The following CDH18 variants were observed in gnomAD, a reference collection of about 807,000 sequenced individuals.
The protein encoded by CDH18 is cadherin-18.
In CDH18, 31 loss-of-function variants were observed where a neutral mutation model predicts 67.9. That is an observed-to-expected ratio of 0.46 (90% confidence interval 0.34 to 0.62). CDH18 has a LOEUF of 0.62. Ranked by LOEUF, CDH18 falls within the 20% of genes least tolerant of loss-of-function variation. The pLI is 0.01. For missense variants in CDH18, 890 were observed against 975.5 expected, an observed-to-expected ratio of 0.91 and a Z score of 1.17; for synonymous variants, 362 against 347.2, an observed-to-expected ratio of 1.04 and a Z score of -0.48.
intron 1 of CDH18, among the ~76,000 whole-genome samples, chr5:20,543,317 C>G (rs934271139): frequency 3.3e-5 from 5 of 151,744 alleles, no homozygotes; most frequent in African/African-American, 1.2e-4. Flanking sequence ...TCTATTTTTT[C>G]TCATAATTAT....
intron 2 of CDH18, among the ~76,000 whole-genome samples, chr5:19,952,129 A>C (rs1013283215): frequency 6.6e-6 from 1 of 151,868 alleles, no homozygotes; most frequent in African/African-American, 2.4e-5. Flanking sequence ...GCTAACTGCA[A>C]CCTCCTCCTC....
chr5:20,265,979 G>T (rs1465886891), intron 1 of CDH18, among the ~76,000 whole-genome samples: 1 of 152,102 alleles, frequency 6.6e-6, no homozygotes, highest in African/African-American at 2.4e-5. Flanking sequence ...AGGGAAGCAG[G>T]GCAAATGCAC....
In CDH18 at chr5:20,538,901, TTTTTTTTG is replaced by T. The variant is rs1312139218; in HGVS notation, c.-580+36553_-580+36560del. Among the ~76,000 whole-genome samples the T allele has an allele frequency of 1.5e-4, 20 of 130,702 alleles. 1 individual carries two copies. The highest frequency in any genetic ancestry group is 8.3e-4 in the South Asian group (3 of 3,628). 85.7% of individuals were successfully genotyped at this position (130,702 alleles called of 152,430 possible). ...ATATACATCCACATAGCCAACTGTT[TTTTTTTTG>T]TTTTTTTTTTTTTTTGTCGCCCAGG... On this transcript the variant is annotated intron_variant, in intron 1 of 14. Transcript: ENST00000507958.
At chr5:20,512,772 T>C (rs887768174) in intron 1 of CDH18, among the ~76,000 whole-genome samples, 2 of 151,558 alleles carry the variant, frequency 1.3e-5, no homozygotes, top group African/African-American at 4.8e-5. Context: ...TAATCCCACC[T>C]ACCTGGGAGG....
chr5:19,993,645 GATAA>G (rs543988955), intron 2 of CDH18, among the ~76,000 whole-genome samples: 36 of 151,812 alleles, frequency 2.4e-4, no homozygotes, highest in African/African-American at 8.5e-4. Context: ...TATATATAGA[GATAA>G]ATAGATATTA....
At chr5:19,598,537 AGGTT>A (rs1746534816) in intron 6 of CDH18, among the ~76,000 whole-genome samples, 2 of 152,272 alleles carry the variant, frequency 1.3e-5, no homozygotes, top group South Asian at 4.1e-4. Context: ...CCAAATATGA[AGGTT>A]AAACTTCATG....
chr5:19,994,291 G>A (rs561739835), intron 2 of CDH18, among the ~76,000 whole-genome samples: 2 of 150,212 alleles, frequency 1.3e-5, no homozygotes, highest in South Asian at 4.2e-4. Context: ...ACACATATAT[G>A]TATACATATA....
At chr5:20,078,199 C>G (rs543421635) in intron 2 of CDH18, among the ~76,000 whole-genome samples, 4 of 152,052 alleles carry the variant, frequency 2.6e-5, no homozygotes, top group Admixed American at 6.6e-5. Context: ...TGGTGGCTTA[C>G]GCCTGTAATC....
intron 3 of CDH18, among the ~76,000 whole-genome samples, chr5:19,765,580 T>G (rs190693664): frequency 6.6e-6 from 1 of 152,144 alleles, no homozygotes; most frequent in Admixed American, 6.5e-5. Flanking sequence ...AGGGAGAAAT[T>G]TAAAAACACA....
intron 1 of CDH18, among the ~76,000 whole-genome samples, chr5:20,562,888 G>A (rs1476984203): frequency 6.6e-6 from 1 of 151,676 alleles, no homozygotes; most frequent in African/African-American, 2.4e-5. Context: ...ATGTTAAAAT[G>A]TATATACTTA....
intron 1 of CDH18, among the ~76,000 whole-genome samples, chr5:20,543,007 C>T (rs1057121711): frequency 1.3e-5 from 2 of 151,696 alleles, no homozygotes; most frequent in Admixed American, 6.6e-5. Flanking sequence ...TTTTGTTTGG[C>T]GTTTCATGGC....
intron 3 of CDH18, among the ~76,000 whole-genome samples, chr5:19,795,841 A>C (rs2149829588): frequency 6.6e-6 from 1 of 152,298 alleles, no homozygotes; most frequent in South Asian, 2.1e-4. Context: ...ATACATTAAG[A>C]ACTTATTTTG....
chr5:19,844,617 A>G (rs1205238238), intron 2 of CDH18, among the ~76,000 whole-genome samples: 1 of 152,184 alleles, frequency 6.6e-6, no homozygotes. Context: ...CTTTCATCAG[A>G]AATTTCATCA....
At chr5:20,268,876 G>T (rs1485865730) in intron 1 of CDH18, among the ~76,000 whole-genome samples, 2 of 152,132 alleles carry the variant, frequency 1.3e-5, no homozygotes, top group Non-Finnish European at 2.9e-5. Flanking sequence ...AGACAAGTGG[G>T]ACTTAGTTAA....
chr5:19,798,692 C>T (rs563000936), intron 3 of CDH18, among the ~76,000 whole-genome samples: 214 of 152,058 alleles, frequency 1.4e-3, no homozygotes, highest in African/African-American at 4.9e-3. Flanking sequence ...TCAATTTCCG[C>T]TCATTCTAAA....
chr5:19,734,333 C>T (rs1348842780), intron 4 of CDH18, among the ~76,000 whole-genome samples: 2 of 152,132 alleles, frequency 1.3e-5, no homozygotes, highest in African/African-American at 4.8e-5. Flanking sequence ...CTTCTATTTC[C>T]AAAGCAGGAG....
intron 4 of CDH18, among the ~76,000 whole-genome samples, chr5:19,744,383 C>G (rs983245258): frequency 6.6e-6 from 1 of 152,116 alleles, no homozygotes; most frequent in Non-Finnish European, 1.5e-5. Context: ...TTGACTTGTT[C>G]CCAAGTCCTC....
chr5:19,594,834 T>G (rs2150042615), intron 6 of CDH18, among the ~76,000 whole-genome samples: 1 of 152,246 alleles, frequency 6.6e-6, no homozygotes, highest in South Asian at 2.1e-4. Flanking sequence ...ACTGATAACA[T>G]TATATACATA....
At chr5:19,879,578 T>C (rs1787395629) in intron 2 of CDH18, among the ~76,000 whole-genome samples, 1 of 152,048 alleles carries the variant, frequency 6.6e-6, no homozygotes, top group African/African-American at 2.4e-5. Flanking sequence ...TAAGTATACC[T>C]ACAGCAGTAG....
Sources: gnomAD v4.1 joint callset for allele counts (sites outside exome capture counted in the v4.1 genomes callset) on GRCh38, gnomAD v4.1.1 for gene constraint, MANE v1.5 for transcripts, NCBI Gene and HGNC (gene_info 2026-07-23, HGNC 2026-07-21) for gene names.